Variants in THSD4 observed in about 807,000 individuals in gnomAD.
The protein encoded by THSD4 is thrombospondin type 1 domain containing 4, also known as thrombospondin type-1 domain-containing protein 4.
Under a neutral mutation model 119.0 loss-of-function variants are expected in THSD4, and 69 were observed. The ratio of observed to expected loss-of-function variants is 0.58; its 90% CI spans 0.48 to 0.71. The LOEUF (loss-of-function observed/expected upper bound fraction) is 0.71, where lower values mean the gene tolerates loss of function less well. Ranked by LOEUF, THSD4 falls within the 30% of genes least tolerant of loss-of-function variation. The pLI, the probability that THSD4 is intolerant of heterozygous loss-of-function variation, is 0.00. For missense variants in THSD4, 1,393 were observed against 1,391.1 expected, an observed-to-expected ratio of 1.00 and a Z score of -0.02; for synonymous variants, 524 against 540.4, an observed-to-expected ratio of 0.97 and a Z score of 0.42.
At chr15:71,222,361 C>T (rs2043981778) in intron 4 of THSD4, among the ~76,000 whole-genome samples, 1 of 152,184 alleles carries the variant, frequency 6.6e-6, no homozygotes, top group African/African-American at 2.4e-5. Flanking sequence ...CACTGGACTT[C>T]CTTACATTTG....
intron 6 of THSD4, among the ~76,000 whole-genome samples, chr15:71,331,184 T>C (rs974149091): frequency 6.6e-6 from 1 of 152,152 alleles, no homozygotes; most frequent in African/African-American, 2.4e-5. Flanking sequence ...TAGGTACAGA[T>C]GGAGTGTGTT....
intron 6 of THSD4, among the ~76,000 whole-genome samples, chr15:71,409,221 A>G (rs1045803516): frequency 1.0e-4 from 15 of 150,512 alleles, no homozygotes; most frequent in African/African-American, 3.4e-4. Context: ...TTCTGGCCCC[A>G]AAAGATAGTA....
chr15:71,235,983 A>G (rs1356872010), intron 4 of THSD4, among the ~76,000 whole-genome samples: 1 of 152,114 alleles, frequency 6.6e-6, no homozygotes, highest in Non-Finnish European at 1.5e-5. Context: ...GGTCAGCCTC[A>G]TTGCCTATCT....
At chr15:71,658,949 G>A (rs1467701761) in intron 7 of THSD4, among the ~76,000 whole-genome samples, 1 of 152,170 alleles carries the variant, frequency 6.6e-6, no homozygotes, top group Non-Finnish European at 1.5e-5. Flanking sequence ...GCAACTAGAG[G>A]GGAAGGAATG....
At chr15:71,654,169 TG>T (rs1219709847) in intron 7 of THSD4, among the ~76,000 whole-genome samples, 1 of 152,208 alleles carries the variant, frequency 6.6e-6, no homozygotes, top group Non-Finnish European at 1.5e-5. Flanking sequence ...AAAAACAGGT[TG>T]TGAGCCAGAT....
chr15:71,651,174 C>T (rs1040634521), intron 7 of THSD4, among the ~76,000 whole-genome samples: 3 of 152,204 alleles, frequency 2.0e-5, no homozygotes, highest in Non-Finnish European at 4.4e-5. Context: ...AGGCCAGGAA[C>T]CTTGGTCTTC....
chr15:71,369,738 A>G (rs1018711880), intron 6 of THSD4, among the ~76,000 whole-genome samples: 1 of 152,056 alleles, frequency 6.6e-6, no homozygotes, highest in African/African-American at 2.4e-5. Context: ...TTGGTCTAAA[A>G]TTCTCTTTTT....
chr15:71,415,134 A>G (rs1313423932), intron 7 of THSD4, among the ~76,000 whole-genome samples: 1 of 152,264 alleles, frequency 6.6e-6, no homozygotes, highest in Non-Finnish European at 1.5e-5. Context: ...TAGTGACACA[A>G]AGCCTCTCCT....
intron 6 of THSD4, among the ~76,000 whole-genome samples, chr15:71,401,325 A>G (rs1023794748): frequency 3.3e-5 from 5 of 152,192 alleles, no homozygotes; most frequent in African/African-American, 1.2e-4. Flanking sequence ...TAATAACTGC[A>G]CAGAAGGATT....
At chr15:71,234,532 C>G (rs28674550) in intron 4 of THSD4, among the ~76,000 whole-genome samples, 10,154 of 152,250 alleles carry the variant, frequency 0.067, 391 homozygotes, top group Middle Eastern at 0.1. Context: ...TCTTGAACTC[C>G]TGACCTCAGG....
intron 8 of THSD4, among the ~76,000 whole-genome samples, chr15:71,677,113 T>C (rs1157589502): frequency 6.6e-6 from 1 of 152,244 alleles, no homozygotes; most frequent in African/African-American, 2.4e-5. Flanking sequence ...AAGTGTGTTT[T>C]TGAAAGAGTA....
At chr15:71,208,996 T>TG (rs1567157972) in intron 3 of THSD4, among the ~76,000 whole-genome samples, 1 of 152,130 alleles carries the variant, frequency 6.6e-6, no homozygotes, top group Admixed American at 6.5e-5. Flanking sequence ...CATAATCTCT[T>TG]GGGGGAAGGG....
rs141830974 is a variant in THSD4 at position 71,174,554 on chromosome 15, TGG to T, written c.99+19627_99+19628del. On this transcript the variant is annotated intron_variant, in intron 3 of 17. Coordinates refer to ENST00000261862, the MANE Select transcript of THSD4 (RefSeq NM_024817.3). ...TCAAACTGCAAGGCGGCAACGAGGC[TGG>T]GGGGAGGGGCGCCCGCCATTGCCCA... 7.8e-4 allele frequency among the ~76,000 whole-genome samples: 24 copies of T among 30,862 alleles called. 2 individuals carry two copies. The East Asian group carries it at 0.025, about 32-fold the overall frequency. 20.2% of individuals were successfully genotyped at this position (30,862 alleles called of 152,430 possible). A position where few individuals can be genotyped will look rare whatever the true frequency, so the allele number is the denominator to read the frequency against.
At chr15:71,712,375 C>T (rs1041053153) in intron 8 of THSD4, among the ~76,000 whole-genome samples, 18 of 152,088 alleles carry the variant, frequency 1.2e-4, no homozygotes, top group African/African-American at 4.3e-4. Context: ...TAAAGCAGTG[C>T]TTAGCAGAAA....
At chr15:71,697,700 A>G (rs1237606035) in intron 8 of THSD4, among the ~76,000 whole-genome samples, 2 of 152,252 alleles carry the variant, frequency 1.3e-5, no homozygotes, top group Non-Finnish European at 2.9e-5. Flanking sequence ...CTTTGGTAAC[A>G]CTGATTAACA....
At chr15:71,336,379 G>C (rs1263266053) in intron 6 of THSD4, among the ~76,000 whole-genome samples, 1 of 152,154 alleles carries the variant, frequency 6.6e-6, no homozygotes, top group Non-Finnish European at 1.5e-5. Flanking sequence ...TCAAATTCAA[G>C]TTATAGAAAA....
intron 7 of THSD4, among the ~76,000 whole-genome samples, chr15:71,439,893 A>G (rs1232407953): frequency 2.0e-5 from 3 of 152,204 alleles, no homozygotes; most frequent in Non-Finnish European, 2.9e-5. Context: ...GAGGGATAGC[A>G]TTAGGAGAAA....
At chr15:71,565,305 A>C (rs946464155) in intron 7 of THSD4, among the ~76,000 whole-genome samples, 4 of 152,218 alleles carry the variant, frequency 2.6e-5, no homozygotes, top group Admixed American at 2.6e-4. Flanking sequence ...ATGGACACTT[A>C]GTAGGTAAAA....
intron 6 of THSD4, among the ~76,000 whole-genome samples, chr15:71,403,032 T>C (rs1038802512): frequency 1.3e-5 from 2 of 152,214 alleles, no homozygotes; most frequent in South Asian, 4.1e-4. Context: ...TATTGGGTAT[T>C]CTACGCATTT....
Sources: allele counts gnomAD v4.1 joint callset (sites outside exome capture counted in the v4.1 genomes callset), GRCh38; gene constraint gnomAD v4.1.1; transcripts MANE v1.5; gene names NCBI Gene and HGNC (gene_info 2026-07-23, HGNC 2026-07-21).